ZCCHC8: variants seen among roughly 807,000 people sequenced by gnomAD.
ZCCHC8 encodes the protein zinc finger CCHC-type containing 8.
ZCCHC8 carries 27 observed loss-of-function variants against 70.6 expected under a neutral mutation model. The observed-to-expected ratio is 0.38, with a 90% CI of 0.28 to 0.53. The LOEUF (loss-of-function observed/expected upper bound fraction) is 0.53. Ranked by LOEUF, ZCCHC8 falls within the 20% of genes least tolerant of loss-of-function variation. The pLI is 0.81. For missense variants in ZCCHC8, 737 were observed against 876.9 expected (o/e 0.84, Z 2.01); for synonymous variants, 293 against 317.4 (o/e 0.92, Z 0.82).
intron 5 of ZCCHC8, among the ~76,000 whole-genome samples, chr12:122,485,239 C>G (rs1305978076): frequency 1.3e-5 from 2 of 152,096 alleles, no homozygotes; most frequent in African/African-American, 4.8e-5. Context: ...CTCAGCCTCT[C>G]AAGTAGCTGG....
intron 13 of ZCCHC8, among the ~76,000 whole-genome samples, chr12:122,477,033 A>G (rs1957432817): frequency 6.6e-6 from 1 of 151,972 alleles, no homozygotes; most frequent in South Asian, 2.1e-4. Context: ...AAACAACCGA[A>G]AAAACAAAGA....
intron 13 of ZCCHC8, among the ~76,000 whole-genome samples, chr12:122,475,629 T>A (rs1480771198): frequency 6.6e-6 from 1 of 152,200 alleles, no homozygotes; most frequent in East Asian, 1.9e-4. Flanking sequence ...GCTACCTTGC[T>A]TCAGGCCCAT....
At chr12:122,489,980 T>TTA (rs763918008) in intron 4 of ZCCHC8, among the ~76,000 whole-genome samples, 1 of 135,136 alleles carries the variant, frequency 7.4e-6, no homozygotes, top group Non-Finnish European at 1.7e-5. Context: ...TAATTTTTAA[T>TTA]AAAAAAAAAA....
chr12:122,484,635 C>T (rs1468844459), intron 5 of ZCCHC8, among the ~76,000 whole-genome samples: 1 of 151,792 alleles, frequency 6.6e-6, no homozygotes, highest in African/African-American at 2.4e-5. Context: ...TCAAGCAATC[C>T]TCCCGCCTCA....
intron 13 of ZCCHC8, among the ~76,000 whole-genome samples, chr12:122,474,820 C>T (rs1005754449): frequency 6.7e-6 from 1 of 149,530 alleles, no homozygotes; most frequent in South Asian, 2.1e-4. Context: ...CTGTATCCTC[C>T]GTCTCCTGGG....
At chr12:122,490,368 A>T in intron 4 of ZCCHC8, 94 bp downstream of exon 4, 1 of 979,672 alleles carries the variant, frequency 1.0e-6, no homozygotes, top group Non-Finnish European at 1.6e-6. Flanking sequence ...GGTGTTAATC[A>T]TTTTGGTTTT....
intron 10 of ZCCHC8, 62 bp from the exon 11 acceptor site, chr12:122,480,373 C>G: frequency 7.3e-7 from 1 of 1,378,058 alleles, no homozygotes; most frequent in Non-Finnish European, 9.6e-7. Flanking sequence ...CTCCCCAGAC[C>G]AAAAGTACAC....
At chr12:122,477,589 C>T (rs1403608310) in intron 13 of ZCCHC8, among the ~76,000 whole-genome samples, 3 of 148,270 alleles carry the variant, frequency 2.0e-5, no homozygotes, top group African/African-American at 7.4e-5. Context: ...TCGAGACCAG[C>T]CTGGTCAAGA....
In ZCCHC8 at chr12:122,483,734, C is replaced by T. The variant is rs146243324; in HGVS notation, c.502-171G>A. The stretch of plus-strand genomic sequence containing the variant: ...TTTGATGTGTAAGTAGAAACTACAT[C>T]GTCAGTTCCCTCTCTCTGCTAGATC... On this transcript the variant is annotated intron_variant, in intron 5 of 13. Transcript: ENST00000633063. This position sits in a 1 kb window ranked among gnomAD's most constrained non-coding sequence, Gnocchi z 4.4. The T allele has an allele frequency of 7.5e-3, 4,528 of 602,790 alleles. 23 individuals carry two copies. The highest frequency in any genetic ancestry group is 0.011 in the Non-Finnish European group (3,700 of 346,926). The allele number at this position is 602,790 out of a possible 1,614,324, so 37.3% of individuals were successfully genotyped here.
Position 122,500,888 on chromosome 12 carries a change from G to T in ZCCHC8, c.-48C>A. On this transcript the variant is annotated 5_prime_UTR_variant, in exon 1 of 14. Transcript: ENST00000633063. The surrounding 1 kb of genome is among the most constrained non-coding windows in gnomAD (Gnocchi z 4.8). The stretch of plus-strand genomic sequence containing the variant: ...AGAAGAGGCGGAGCCGGCCACCAGG[G>T]CTTGGGGAAGAAGGTTGGAAGGCGG... 2 of 1,538,336 alleles carry T rather than the reference G, an allele frequency of 1.3e-6. No homozygotes were observed. The highest frequency in any genetic ancestry group is 1.2e-5 in the South Asian group (1 of 83,738).
intron 10 of ZCCHC8, chr12:122,480,954 A>C (rs1957521117): frequency 6.6e-6 from 1 of 152,308 alleles, no homozygotes; most frequent in African/African-American, 2.4e-5. Context: ...AGATTTTGCC[A>C]TGTCAGCTCA....
rs1195283652 is a variant in ZCCHC8, at chr12:122,492,724, G to A, written c.308C>T (p.Ala103Val). The change falls in exon 3 of 14, where the codon GCT becomes GTT. Residue 103 changes from alanine (A) to valine (V), a missense_variant. By Grantham distance (64) the Ala-to-Val change is moderately conservative (BLOSUM62 0). Transcript: ENST00000633063. ...PILQILFMNNAISKQYHQEIE... is the reference protein window; with the variant it reads ...PILQILFMNNVISKQYHQEIE... ...GGAAAAAATTACTTACTTTGAAATA[G>A]CATTGTTCATGAATAGAATCTGTAA... The A allele has an allele frequency of 3.3e-6, 5 of 1,536,048 alleles. No individual in the cohort carries two copies. The highest frequency in any genetic ancestry group is 2.0e-5 in the Admixed American group (1 of 50,450).
intron 10 of ZCCHC8, 162 bp from the exon 11 acceptor site, chr12:122,480,473 C>CA: frequency 9.0e-6 from 3 of 331,952 alleles, no homozygotes; most frequent in Non-Finnish European, 1.0e-5. Context: ...TAGGACAGAA[C>CA]TTTTTTTTTT....
chr12:122,474,548 T>G (rs1957381164), intron 13 of ZCCHC8, among the ~76,000 whole-genome samples: 1 of 152,040 alleles, frequency 6.6e-6, no homozygotes, highest in African/African-American at 2.4e-5. Context: ...CATTTTAGAT[T>G]GAGGAAATGC....
chr12:122,478,409 T>A, intron 11 of ZCCHC8, 117 bp from the exon 12 acceptor site: 2 of 703,816 alleles, frequency 2.8e-6, no homozygotes, highest in Non-Finnish European at 4.7e-6. Flanking sequence ...CCTTCTTATG[T>A]TACTTTTCCT....
intron 10 of ZCCHC8, 73 bp from the exon 11 acceptor site, chr12:122,480,384 C>G: frequency 3.1e-6 from 4 of 1,274,740 alleles, no homozygotes; most frequent in Middle Eastern, 1.9e-4. Context: ...AAAAGTACAC[C>G]TGGAAAGTGC....
intron 13 of ZCCHC8, among the ~76,000 whole-genome samples, chr12:122,476,050 T>C (rs904046175): frequency 6.6e-6 from 1 of 152,220 alleles, no homozygotes; most frequent in Non-Finnish European, 1.5e-5. Context: ...AGATGCTGTT[T>C]TTCCTCTGTG....
intron 11 of ZCCHC8, 131 bp from the exon 12 acceptor site, chr12:122,478,423 T>C (rs1445096940): frequency 1.5e-6 from 1 of 671,528 alleles, no homozygotes; most frequent in African/African-American, 1.8e-5. Flanking sequence ...TTTTCCTTTA[T>C]TGGAAATTAA....
At chr12:122,496,417 A>G (rs1023956855) in intron 2 of ZCCHC8, among the ~76,000 whole-genome samples, 1 of 152,178 alleles carries the variant, frequency 6.6e-6, no homozygotes, top group Non-Finnish European at 1.5e-5. Flanking sequence ...AGCCTATATG[A>G]TGCGGTAATC....
Sources: gnomAD v4.1 joint callset for allele counts (sites outside exome capture counted in the v4.1 genomes callset) on GRCh38, gnomAD v4.1.1 for gene constraint, Gnocchi (gnomAD v3.1) non-coding constraint, MANE v1.5 for transcripts, NCBI Gene and HGNC (gene_info 2026-07-23, HGNC 2026-07-21) for gene names.